SELENBP1: variants seen among roughly 807,000 people sequenced by gnomAD.
SELENBP1 encodes the protein methanethiol oxidase.
A neutral mutation model predicts 61.0 loss-of-function variants in SELENBP1; 71 were observed. The ratio of observed to expected loss-of-function variants is 1.16; its 90% confidence interval spans 0.96 to 1.42. The LOEUF (loss-of-function observed/expected upper bound fraction) is 1.42, where lower values mean the gene tolerates loss of function less well. SELENBP1 is among the 40% of genes most tolerant of loss of function. SELENBP1 has a pLI of 0.00. For synonymous variants in SELENBP1, 270 were observed against 238.9 expected, an observed-to-expected ratio of 1.13 and a Z score of -1.20; for missense variants, 561 against 605.0, an observed-to-expected ratio of 0.93 and a Z score of 0.76.
intron 7 of SELENBP1, 93 bp from the exon 8 acceptor site, chr1:151,365,939 G>T: frequency 7.5e-7 from 1 of 1,328,698 alleles, no homozygotes; most frequent in East Asian, 2.3e-5. Flanking sequence ...GCCCAGACCT[G>T]GGAGGGAGAG....
chr1:151,368,553 C>T (rs1651974646), intron 4 of SELENBP1, among the ~76,000 whole-genome samples: 1 of 152,202 alleles, frequency 6.6e-6, no homozygotes, highest in African/African-American at 2.4e-5. Context: ...CTGACCTTTC[C>T]CCATGTGTCC....
Position 151,365,247 on chromosome 1 carries a change from G to A in SELENBP1, c.1079C>T (p.Pro360Leu), listed in dbSNP as rs766777059. Reference protein sequence around the residue: ...FLGGSIVKGGPVQVLEDEELK... With the variant: ...FLGGSIVKGGLVQVLEDEELK... ...TTCCTCGTCCTCCAGCACTTGCACA[G>A]GGCCTCCCTTAACAATGCTGCCTCC... is the stretch of plus-strand genomic sequence containing the variant. The change falls in exon 10 of 12, where the codon CCT (proline) becomes CTT (leucine). Residue 360 changes from proline (P) to leucine (L), a missense_variant. By Grantham distance (98) the Pro-to-Leu change is moderately conservative. Coordinates refer to ENST00000368868, the MANE Select transcript of SELENBP1 (RefSeq NM_003944.4). 1.9e-6 allele frequency: 3 copies of A among 1,613,296 alleles called. No homozygotes were observed. The highest frequency in any genetic ancestry group is 1.3e-5 in the African/African-American group (1 of 74,884).
At chr1:151,372,589 T>C (rs915039188) in intron 1 of SELENBP1, 49 bp downstream of exon 1, 2 of 1,613,222 alleles carry the variant, frequency 1.2e-6, no homozygotes, top group African/African-American at 2.7e-5. Flanking sequence ...CCTTCCAAAT[T>C]AGGGGCAGAC....
Position 151,372,661 on chromosome 1 carries a change from T to G in SELENBP1, c.-20A>C. On this transcript the variant is annotated 5_prime_UTR_variant, in exon 1 of 12. Transcript: ENST00000368868. ...ACCCATGCTGCCGACTGGTACACTTTGATCCCGGCGGGTTTGCTGTGCTGG... is the reference window on the plus strand; with the variant it reads ...ACCCATGCTGCCGACTGGTACACTTGGATCCCGGCGGGTTTGCTGTGCTGG... The G allele has an allele frequency of 6.2e-7, 1 of 1,614,138 alleles. No homozygotes were observed. The highest frequency in any genetic ancestry group is 8.5e-7 in the Non-Finnish European group (1 of 1,179,998).
intron 9 of SELENBP1, 91 bp from the exon 10 acceptor site, chr1:151,365,372 TCCTTTCAGACATGCTCTGCATGCCCATC>T: frequency 1.3e-6 from 2 of 1,481,742 alleles, no homozygotes; most frequent in Non-Finnish European, 1.9e-6. Context: ...AACCCCTCTC[TCCTTTCAGACATGCTCTGCATGCCCATC>T]CCTGGCCTGG....
At position 151,368,881 on chromosome 1, in the gene SELENBP1, T is replaced by C. The variant is rs959195531; in HGVS notation, c.360+123A>G. On this transcript the variant is annotated intron_variant, in intron 4 of 11. Coordinates refer to ENST00000368868, the MANE Select transcript of SELENBP1 (RefSeq NM_003944.4). Reference sequence around the variant, plus strand: ...TCTGAGGTCCAACCTCCCTCCCTGCTGCCGAGCCAGTTGCCGCGTAAGAGC... The same window carrying C: ...TCTGAGGTCCAACCTCCCTCCCTGCCGCCGAGCCAGTTGCCGCGTAAGAGC... The C allele has an allele frequency of 1.1e-5, 11 of 1,027,918 alleles. No individual in the cohort carries two copies. The Admixed American group carries it at 2.7e-4, about 26-fold the overall frequency. 63.7% of individuals were successfully genotyped at this position (1,027,918 alleles called of 1,614,324 possible).
In SELENBP1 at chr1:151,364,719, G is replaced by C. The variant is rs767184293; in HGVS notation, c.1257-14C>G. ...ACAGAGCCTTCCCTGGTGGAAAAGG[G>C]AATGGGGTAAGGGAGAGGTCAGAGG... On this transcript the variant is annotated splice_polypyrimidine_tract_variant and intron_variant, in intron 11 of 11. Coordinates refer to ENST00000368868, the MANE Select transcript of SELENBP1 (RefSeq NM_003944.4). 5 of 1,569,302 alleles carry C rather than the reference G, an allele frequency of 3.2e-6. No homozygotes were observed. In the African/African-American group the frequency reaches 6.8e-5, roughly 21 times the overall value.
At chr1:151,372,606 G>A in intron 1 of SELENBP1, 32 bp downstream of exon 1, 1 of 1,614,118 alleles carries the variant, frequency 6.2e-7, no homozygotes, top group Non-Finnish European at 8.5e-7. Flanking sequence ...AGACAGAGCA[G>A]GCAATGGGTG....
At chr1:151,365,521 C>T in intron 9 of SELENBP1, 42 bp downstream of exon 9, 1 of 1,612,350 alleles carries the variant, frequency 6.2e-7, no homozygotes, top group Non-Finnish European at 8.5e-7. Context: ...CTTCTCTTCT[C>T]TTTCCTTCCT....
chr1:151,369,662 C>T, intron 2 of SELENBP1, 51 bp downstream of exon 2: 1 of 1,545,528 alleles, frequency 6.5e-7, no homozygotes, highest in Non-Finnish European at 8.8e-7. Flanking sequence ...CCTCCACCCC[C>T]AGCTGTGGAA....
chr1:151,366,934 T>G, intron 5 of SELENBP1, 30 bp from the exon 6 acceptor site: 1 of 1,607,004 alleles, frequency 6.2e-7, no homozygotes, highest in East Asian at 2.2e-5. Context: ...GGGTGGCAGG[T>G]AGAAGCAGTA....
rs141016627 is a variant in SELENBP1 at position 151,370,631 on chromosome 1, A to C, written c.5-862T>G. On this transcript the variant is annotated intron_variant, in intron 1 of 11. Transcript: ENST00000368868. The stretch of plus-strand genomic sequence containing the variant: ...TAATCTCCAGGATGTAAGTCAGCAG[A>C]TGTGCAGTAGGGCTGGGACATCACA... Among the ~76,000 whole-genome samples, 411 of 152,336 alleles carry C rather than the reference A, an allele frequency of 2.7e-3. 3 individuals are homozygous for C. Among genetic ancestry groups the C allele is most frequent in the African/African-American group, 9.8e-3 (408 of 41,570 alleles).
At position 151,366,368 on chromosome 1, in the gene SELENBP1, G is replaced by C; in HGVS notation, c.750C>G (p.Pro250=). 1 of 1,614,174 alleles carries C rather than the reference G, an allele frequency of 6.2e-7. No homozygotes were observed. The highest frequency in any genetic ancestry group is 1.1e-5 in the South Asian group (1 of 91,082). ...GGTTGTGCAGGAAGCGGATCTCCAA[G>C]GGAATAAGCCCATCTTTTAGAGACA... ...QTLSLKDGLI[P]LEIRFLHNPD... Residue 250 remains proline, a synonymous_variant, in exon 7 of 12, where the codon CCC becomes CCG. Coordinates refer to ENST00000368868, the MANE Select transcript of SELENBP1 (RefSeq NM_003944.4).
chr1:151,370,853 A>C (rs1159768227), intron 1 of SELENBP1, among the ~76,000 whole-genome samples: 3 of 152,198 alleles, frequency 2.0e-5, no homozygotes, highest in African/African-American at 7.2e-5. Flanking sequence ...GAGTAGGCAG[A>C]GTGGGGCCTC....
chr1:151,372,680 G>A lies in SELENBP1; in HGVS notation c.-39C>T, dbSNP rs746319494. The A allele has an allele frequency of 6.2e-7, 1 of 1,613,874 alleles. No individual in the cohort carries two copies. The highest frequency in any genetic ancestry group is 1.3e-5 in the African/African-American group (1 of 74,916). On this transcript the variant is annotated 5_prime_UTR_variant, in exon 1 of 12. Coordinates refer to ENST00000368868, the MANE Select transcript of SELENBP1 (RefSeq NM_003944.4). ...ACACTTTGATCCCGGCGGGTTTGCTGTGCTGGTGTCAGAGGCCGCTGTTCC... is the reference window on the plus strand; with the variant it reads ...ACACTTTGATCCCGGCGGGTTTGCTATGCTGGTGTCAGAGGCCGCTGTTCC...
chr1:151,369,641 G>C, intron 2 of SELENBP1, 72 bp downstream of exon 2: 1 of 1,544,810 alleles, frequency 6.5e-7, no homozygotes, highest in Non-Finnish European at 8.8e-7. Flanking sequence ...GTGGGGGCTA[G>C]GTCTGAAGTC....
intron 5 of SELENBP1, chr1:151,367,194 A>C: frequency 2.4e-6 from 1 of 422,334 alleles, no homozygotes; most frequent in African/African-American, 2.0e-5. Flanking sequence ...AATATAAAAA[A>C]TTACCCAGGC....
chr1:151,366,901 C>A lies in SELENBP1; in HGVS notation c.485G>T (p.Gly162Val), dbSNP rs779970401. 2 of 1,613,528 alleles carry A rather than the reference C, an allele frequency of 1.2e-6. No individual in the cohort carries two copies. Among genetic ancestry groups the A allele is most frequent in the Non-Finnish European group, 8.5e-7 (1 of 1,179,600 alleles). Residue 162 changes from glycine to valine, a missense_variant, in exon 6 of 12, where the codon GGT becomes GTT. Physicochemically the swap from Gly to Val is moderately radical, Grantham distance 109. Coordinates refer to ENST00000368868, the MANE Select transcript of SELENBP1 (RefSeq NM_003944.4). Reference sequence around the variant, plus strand: ...CGTCTCCCCATCCAGCAGCACAAAACCCCCTGAACAGGGAAGGAAGCAGGG... The same window carrying A: ...CGTCTCCCCATCCAGCAGCACAAAAACCCCTGAACAGGGAAGGAAGCAGGG... ...LGDVKGNGKGGFVLLDGETFE... is the reference protein window; with the variant it reads ...LGDVKGNGKGVFVLLDGETFE...
intron 1 of SELENBP1, among the ~76,000 whole-genome samples, chr1:151,372,153 G>C (rs1652171332): frequency 6.6e-6 from 1 of 151,862 alleles, no homozygotes; most frequent in East Asian, 1.9e-4. Context: ...AAAGAGTGTG[G>C]GGGTCTCTGA....
Sources: gnomAD v4.1 joint callset for allele counts (sites outside exome capture counted in the v4.1 genomes callset) on GRCh38, gnomAD v4.1.1 for gene constraint, MANE v1.5 for transcripts, NCBI Gene and HGNC (gene_info 2026-07-23, HGNC 2026-07-21) for gene names.